SLCO2B1: variants seen among roughly 807,000 people sequenced by gnomAD.
SLCO2B1 encodes solute carrier organic anion transporter family member 2B1, also known as OATP-RP2.
In SLCO2B1, 41 loss-of-function variants were observed where a neutral mutation model predicts 67.3. The ratio of observed to expected loss-of-function variants is 0.61; its 90% CI spans 0.47 to 0.79. The LOEUF (loss-of-function observed/expected upper bound fraction) is 0.79. Ranked by LOEUF, SLCO2B1 falls within the 30% of genes least tolerant of loss-of-function variation. The pLI is 0.00. For missense variants in SLCO2B1, 837 were observed against 920.1 expected, an observed-to-expected ratio of 0.91 and a Z score of 1.17; for synonymous variants, 379 against 381.4, an observed-to-expected ratio of 0.99 and a Z score of 0.07.
chr11:75,189,804 A>G (rs1944991520), intron 8 of SLCO2B1, among the ~76,000 whole-genome samples: 1 of 152,090 alleles, frequency 6.6e-6, no homozygotes, highest in Non-Finnish European at 1.5e-5. Context: ...ATAAAAAATA[A>G]AGAAAGAATT....
At chr11:75,202,861 A>G (rs1945203895) in intron 11 of SLCO2B1, 40 bp from the exon 12 acceptor site, 1 of 1,585,132 alleles carries the variant, frequency 6.3e-7, no homozygotes, top group African/African-American at 1.3e-5. Flanking sequence ...GGGGGCTGGA[A>G]CCCCTCCAAC....
intron 1 of SLCO2B1, among the ~76,000 whole-genome samples, chr11:75,157,841 G>T (rs1215680602): frequency 6.6e-6 from 1 of 152,030 alleles, no homozygotes; most frequent in South Asian, 2.1e-4. Flanking sequence ...ACATAGAGAT[G>T]GGGTATCACC....
At chr11:75,197,834 G>A (rs1347989952) in intron 10 of SLCO2B1, among the ~76,000 whole-genome samples, 6 of 152,236 alleles carry the variant, frequency 3.9e-5, no homozygotes, top group Non-Finnish European at 4.4e-5. Flanking sequence ...ATCAGCAGCA[G>A]TGCATTCTGA....
At chr11:75,179,130 A>T (rs1950062779) in intron 7 of SLCO2B1, among the ~76,000 whole-genome samples, 1 of 149,062 alleles carries the variant, frequency 6.7e-6, no homozygotes, top group Non-Finnish European at 1.5e-5. Context: ...TTATTTGAAA[A>T]TTTGTGTTTT....
chr11:75,177,666 C>A (rs1309099068), intron 7 of SLCO2B1, among the ~76,000 whole-genome samples: 1 of 152,164 alleles, frequency 6.6e-6, no homozygotes, highest in Non-Finnish European at 1.5e-5. Context: ...CACCTGGCAA[C>A]CTTCACTTAA....
At chr11:75,179,218 ATTTTTTT>A (rs373993870) in intron 7 of SLCO2B1, among the ~76,000 whole-genome samples, 877 of 66,640 alleles carry the variant, frequency 0.013, 17 homozygotes, top group African/African-American at 0.047. Flanking sequence ...GATACATGAG[ATTTTTTT>A]TTTTTTTTTT....
chr11:75,205,955 TGTG>T lies in SLCO2B1; in HGVS notation c.*1377_*1379del, dbSNP rs1025362404. On this transcript the variant is annotated 3_prime_UTR_variant, in exon 14 of 14. Coordinates refer to ENST00000289575, the MANE Select transcript of SLCO2B1 (RefSeq NM_007256.5). ...GGGGTGGGGGGAAGCTGGGGGCACA[TGTG>T]GCCCTTGCCTTCTGAGCAGCTCCCA... is the stretch of plus-strand genomic sequence containing the variant. 4.6e-5 allele frequency: 7 copies of T among 152,318 alleles called. No individual in the cohort carries two copies. The highest frequency in any genetic ancestry group is 1.7e-4 in the African/African-American group (7 of 41,578). 9.4% of individuals were successfully genotyped at this position (152,318 alleles called of 1,614,324 possible). A position where few individuals can be genotyped will look rare whatever the true frequency, so the allele number is the denominator to read the frequency against.
intron 1 of SLCO2B1, chr11:75,159,834 C>T (rs976171265): frequency 4.6e-5 from 45 of 985,288 alleles, no homozygotes; most frequent in Non-Finnish European, 5.3e-5. Context: ...TGAGCCTTGG[C>T]AGAAAAGGCT....
At chr11:75,185,468 T>C (rs1216680843) in intron 7 of SLCO2B1, among the ~76,000 whole-genome samples, 2 of 151,444 alleles carry the variant, frequency 1.3e-5, no homozygotes, top group African/African-American at 4.9e-5. Flanking sequence ...GGGTAGCCTC[T>C]TCCAAACTGC....
intron 7 of SLCO2B1, among the ~76,000 whole-genome samples, chr11:75,177,392 T>A (rs558467409): frequency 6.6e-6 from 1 of 152,244 alleles, no homozygotes; most frequent in African/African-American, 2.4e-5. Context: ...AGAGGCACCA[T>A]GCAAGCTTCC....
Position 75,165,767 on chromosome 11 carries a change from G to T in SLCO2B1, c.286-20G>T, listed in dbSNP as rs965219406. 6.2e-7 allele frequency: 1 copy of T among 1,613,526 alleles called. No homozygotes were observed. On this transcript the variant is annotated intron_variant, in intron 3 of 13. Coordinates refer to ENST00000289575, the MANE Select transcript of SLCO2B1 (RefSeq NM_007256.5). ...CCTGGGAACTGTTCCACCTTAATGG[G>T]TCACCTCGTCCTTTTGCAGGTGGGG...
chr11:75,197,836 G>A (rs1222520778), intron 10 of SLCO2B1, among the ~76,000 whole-genome samples: 1 of 152,208 alleles, frequency 6.6e-6, no homozygotes. Flanking sequence ...CAGCAGCAGT[G>A]CATTCTGAAT....
rs181068623 is a variant in SLCO2B1, at chr11:75,153,480, G to A, written c.16+2083G>A. Reference sequence around the variant, plus strand: ...CTGATGCTCAGAGGGGGCAAGCAAGGTCCAAGCTCACCCCAAAGTAAACAG... The same window carrying A: ...CTGATGCTCAGAGGGGGCAAGCAAGATCCAAGCTCACCCCAAAGTAAACAG... On this transcript the variant is annotated intron_variant, in intron 1 of 13. Coordinates refer to ENST00000289575, the MANE Select transcript of SLCO2B1 (RefSeq NM_007256.5). Among the ~76,000 whole-genome samples the A allele has an allele frequency of 1.3e-3, 197 of 152,292 alleles. 1 individual carries two copies. Among genetic ancestry groups the A allele is most frequent in the African/African-American group, 4.5e-3 (188 of 41,564 alleles).
At chr11:75,171,723 A>T (rs1015467459) in intron 6 of SLCO2B1, among the ~76,000 whole-genome samples, 1 of 152,130 alleles carries the variant, frequency 6.6e-6, no homozygotes, top group African/African-American at 2.4e-5. Context: ...GATCAAAATC[A>T]TCTGGGGAAC....
chr11:75,169,118 A>G, intron 4 of SLCO2B1, 55 bp from the exon 5 acceptor site: 1 of 1,405,808 alleles, frequency 7.1e-7, no homozygotes, highest in Non-Finnish European at 9.7e-7. Flanking sequence ...CCCCGGGGTA[A>G]GCGCTATTTA....
In SLCO2B1 at chr11:75,151,269, G is replaced by C; in HGVS notation, c.-113G>C. 2.2e-6 allele frequency: 2 copies of C among 903,272 alleles called. No individual in the cohort carries two copies. The highest frequency in any genetic ancestry group is 5.2e-5 in the East Asian group (2 of 38,374). 56.0% of individuals were successfully genotyped at this position (903,272 alleles called of 1,614,324 possible). A position where few individuals can be genotyped will look rare whatever the true frequency, so the allele number is the denominator to read the frequency against. ...CCACCGTTATTGCATCCCTGCTGTG[G>C]CTCACCTGCTGCTGTCTCCAGGAGC... On this transcript the variant is annotated 5_prime_UTR_variant, in exon 1 of 14. Coordinates refer to ENST00000289575, the MANE Select transcript of SLCO2B1 (RefSeq NM_007256.5).
In SLCO2B1 at chr11:75,162,648, C is replaced by T; in HGVS notation, c.17-7C>T. 6 of 1,611,148 alleles carry T rather than the reference C, an allele frequency of 3.7e-6. No individual in the cohort carries two copies. The highest frequency in any genetic ancestry group is 5.1e-6 in the Non-Finnish European group (6 of 1,178,952). On this transcript the variant is annotated splice_region_variant and splice_polypyrimidine_tract_variant and intron_variant, in intron 1 of 13. Coordinates refer to ENST00000289575, the MANE Select transcript of SLCO2B1 (RefSeq NM_007256.5). ...CTATTCTCTTTCCCTGGTTTTCTGT[C>T]CCTCAGGGCCAGCGGGTGAGGTACC...
chr11:75,181,557 C>T (rs1950092110), intron 7 of SLCO2B1, among the ~76,000 whole-genome samples: 2 of 152,054 alleles, frequency 1.3e-5, no homozygotes, highest in African/African-American at 2.4e-5. Flanking sequence ...TTCCATATCA[C>T]CCCAGAGTCC....
intron 1 of SLCO2B1, among the ~76,000 whole-genome samples, chr11:75,153,865 T>C (rs1305130425): frequency 6.6e-6 from 1 of 151,058 alleles, no homozygotes; most frequent in Non-Finnish European, 1.5e-5. Flanking sequence ...CCTGCTTCAG[T>C]GGCCCAGAGA....
Sources: allele counts gnomAD v4.1 joint callset (sites outside exome capture counted in the v4.1 genomes callset), GRCh38; gene constraint gnomAD v4.1.1; transcripts MANE v1.5; gene names NCBI Gene and HGNC (gene_info 2026-07-23, HGNC 2026-07-21).